HK1: variants seen among roughly 807,000 people sequenced by gnomAD.
HK1 encodes hexokinase 1.
In HK1, 28 loss-of-function variants were observed where a neutral mutation model predicts 91.6. The ratio of observed to expected loss-of-function variants is 0.31; its 90% CI spans 0.23 to 0.42. The LOEUF is 0.42. Ranked by LOEUF, HK1 falls within the 10% of genes least tolerant of loss-of-function variation. The pLI is 1.00. For missense variants in HK1, 770 were observed against 1,219.8 expected, an observed-to-expected ratio of 0.63 and a Z score of 5.49; for synonymous variants, 430 against 468.1, an observed-to-expected ratio of 0.92 and a Z score of 1.05.
intron 11 of HK1, 70 bp downstream of exon 11, chr10:69,384,551 C>A: frequency 1.3e-6 from 2 of 1,589,308 alleles, no homozygotes; most frequent in South Asian, 2.2e-5. Context: ...CACGTGATGA[C>A]CAAAATCCGC....
Position 69,278,029 on chromosome 10 carries a change from G to A in HK1, c.-390-4500G>A, listed in dbSNP as rs550230867. The stretch of plus-strand genomic sequence containing the variant: ...GCTTGGGCAACAACAGCGAGACTCC[G>A]TCTCAAAAAAAAAAAAGGTTTGTTT... On this transcript the variant is annotated intron_variant, in intron 1 of 21. Transcript: ENST00000360289. Among the ~76,000 whole-genome samples the A allele has an allele frequency of 1.3e-4, 13 of 103,138 alleles. No individual in the cohort carries two copies. In the East Asian group the frequency reaches 2.9e-3, roughly 23 times the overall value. 67.7% of individuals were successfully genotyped at this position (103,138 alleles called of 152,430 possible).
chr10:69,386,255 T>C (rs1004160175), intron 12 of HK1, 68 bp from the exon 13 acceptor site: 1 of 1,266,578 alleles, frequency 7.9e-7, no homozygotes, highest in Non-Finnish European at 1.2e-6. Flanking sequence ...GGAGGGAGGG[T>C]TGGAATTTTG....
chr10:69,288,718 C>A, exon 3 of HK1: 1 of 1,611,708 alleles, frequency 6.2e-7, no homozygotes, highest in Admixed American at 1.7e-5. Context: ...AGAAAGGACC[C>A]GAGGTCAGCA....
intron 1 of HK1, among the ~76,000 whole-genome samples, chr10:69,342,018 C>T (rs567537597): frequency 6.6e-6 from 1 of 152,108 alleles, no homozygotes; most frequent in Non-Finnish European, 1.5e-5. Context: ...CGTGGTGGCG[C>T]ACGCCTGTAA....
chr10:69,327,399 G>A (rs913962417), intron 1 of HK1, among the ~76,000 whole-genome samples: 4 of 152,104 alleles, frequency 2.6e-5, no homozygotes, highest in African/African-American at 7.2e-5. Flanking sequence ...GTTGATCTAC[G>A]TAACTGTTTC....
chr10:69,272,830 T>G (rs1844237037), intron 1 of HK1, among the ~76,000 whole-genome samples: 1 of 151,938 alleles, frequency 6.6e-6, no homozygotes, highest in Non-Finnish European at 1.5e-5. Flanking sequence ...CTTGAATCTG[T>G]GGGTTAATAT....
In HK1 at chr10:69,364,644, C is replaced by G. The variant is rs1216557864; in HGVS notation, c.376-139C>G. On this transcript the variant is annotated intron_variant, in intron 3 of 17. Transcript: ENST00000359426. Reference sequence around the variant, plus strand: ...CACAGCATGGCTTTTCAGACAGGGCCACCAGGTCCCAGGAGTACGAGCACT... The same window carrying G: ...CACAGCATGGCTTTTCAGACAGGGCGACCAGGTCCCAGGAGTACGAGCACT... 5 of 1,070,810 alleles carry G rather than the reference C, an allele frequency of 4.7e-6. No homozygotes were observed. In the African/African-American group the frequency reaches 4.7e-5, roughly 10 times the overall value. The allele number at this position is 1,070,810 out of a possible 1,614,324, so 66.3% of individuals were successfully genotyped here.
chr10:69,386,301 C>T (rs371374607), intron 12 of HK1, 22 bp from the exon 13 acceptor site: 7 of 1,601,284 alleles, frequency 4.4e-6, no homozygotes, highest in African/African-American at 1.3e-5. Flanking sequence ...ACAGGACTCT[C>T]CTGGTGCTTT....
intron 15 of HK1, 120 bp downstream of exon 15, chr10:69,392,428 C>G: frequency 9.8e-7 from 1 of 1,020,340 alleles, no homozygotes; most frequent in South Asian, 1.4e-5. Context: ...GGTTTCAAGA[C>G]TGGACCCCCT....
chr10:69,364,674 T>C, intron 3 of HK1, 109 bp from the exon 4 acceptor site: 3 of 1,359,528 alleles, frequency 2.2e-6, no homozygotes, highest in Non-Finnish European at 3.2e-6. Context: ...AGCACTTTGT[T>C]TGGGTAGATG....
At chr10:69,308,401 C>A (rs1035318786) in intron 5 of HK1, among the ~76,000 whole-genome samples, 7 of 152,126 alleles carry the variant, frequency 4.6e-5, no homozygotes, top group Non-Finnish European at 2.9e-5. Flanking sequence ...GTGAACAATT[C>A]CTGTCCCTTT....
intron 2 of HK1, among the ~76,000 whole-genome samples, chr10:69,352,906 A>T (rs1848949772): frequency 6.6e-6 from 1 of 152,220 alleles, no homozygotes; most frequent in South Asian, 2.1e-4. Flanking sequence ...AACTGTTATT[A>T]AAAAAACAAC....
chr10:69,396,423 T>G (rs1249364441), intron 16 of HK1, among the ~76,000 whole-genome samples: 1 of 152,138 alleles, frequency 6.6e-6, no homozygotes, highest in Admixed American at 6.6e-5. Flanking sequence ...GTCGCACAGC[T>G]ATCACCACCA....
At chr10:69,284,006 A>C (rs1844899117) in intron 2 of HK1, among the ~76,000 whole-genome samples, 1 of 152,102 alleles carries the variant, frequency 6.6e-6, no homozygotes. Context: ...GTTTGAGGTG[A>C]CTGAGATAAT....
In HK1 at chr10:69,395,110, G is replaced by C; in HGVS notation, c.2375+5G>C. 2 of 1,613,386 alleles carry C rather than the reference G, an allele frequency of 1.2e-6. No homozygotes were observed. ...GTTTCTCTCTCAGATCGAGAGGTGA[G>C]TGGGCAGTGTCTTCCCTGCCAGCGC... On this transcript the variant is annotated splice_donor_5th_base_variant and intron_variant, in intron 16 of 17. Transcript: ENST00000359426.
At chr10:69,279,147 G>T (rs1332334646) in intron 1 of HK1, among the ~76,000 whole-genome samples, 1 of 152,198 alleles carries the variant, frequency 6.6e-6, no homozygotes, top group African/African-American at 2.4e-5. Context: ...GCCTTCACAG[G>T]CCTAGGGAGC....
chr10:69,299,403 T>A (rs1185015492), intron 4 of HK1, among the ~76,000 whole-genome samples: 1 of 151,826 alleles, frequency 6.6e-6, no homozygotes, highest in African/African-American at 2.4e-5. Flanking sequence ...AGTCTCTCTC[T>A]GTTGCCCAGG....
At chr10:69,354,483 A>G (rs1016460841) in intron 2 of HK1, among the ~76,000 whole-genome samples, 1 of 152,208 alleles carries the variant, frequency 6.6e-6, no homozygotes, top group East Asian at 1.9e-4. Context: ...TAAAACCATA[A>G]GGTCTCATGA....
At chr10:69,340,165 G>A (rs373791201) in intron 1 of HK1, among the ~76,000 whole-genome samples, 2 of 152,310 alleles carry the variant, frequency 1.3e-5, no homozygotes, top group East Asian at 3.9e-4. Context: ...CTTGGTAAAA[G>A]GATAATCATG....
Sources: gnomAD v4.1 joint callset for allele counts (sites outside exome capture counted in the v4.1 genomes callset) on GRCh38, gnomAD v4.1.1 for gene constraint, MANE v1.5 for transcripts, NCBI Gene and HGNC (gene_info 2026-07-23, HGNC 2026-07-21) for gene names.